DPPA4: variants seen among roughly 807,000 people sequenced by gnomAD.
DPPA4 encodes the protein developmental pluripotency-associated protein 4.
In DPPA4, 22 loss-of-function variants were observed where a neutral mutation model predicts 33.7. That is an observed-to-expected ratio of 0.65 (90% confidence interval 0.47 to 0.93). The LOEUF (loss-of-function observed/expected upper bound fraction) is 0.93, where lower values mean the gene tolerates loss of function less well. DPPA4 is among the 40% of genes least tolerant of loss of function. The probability of loss-of-function intolerance (pLI) is 0.00; values close to 1 mark genes in which losing one functional copy is unlikely to be tolerated. For synonymous variants in DPPA4, 156 were observed against 132.3 expected, an observed-to-expected ratio of 1.18 and a Z score of -1.23; for missense variants, 340 against 358.6, an observed-to-expected ratio of 0.95 and a Z score of 0.42.
chr3:109,329,083 T>G lies in DPPA4; in HGVS notation c.685A>C (p.Arg229=). 1.2e-6 allele frequency: 2 copies of G among 1,613,994 alleles called. No individual in the cohort carries two copies. The highest frequency in any genetic ancestry group is 1.7e-6 in the Non-Finnish European group (2 of 1,179,992). The change falls in exon 6 of 7, where the codon AGG becomes CGG. Residue 229 remains arginine (R), a synonymous_variant. Coordinates refer to ENST00000335658, the MANE Select transcript of DPPA4 (RefSeq NM_018189.4). ...VESPQEASGV[R]WCVVHGKSLP... ...CTTTTCCCATGGACCACACACCACC[T>G]GACACCTGGCAATGGCAAAGGAAAG...
At chr3:109,337,837 A>C (rs1360256186), upstream of DPPA4, among the ~76,000 whole-genome samples, 3 of 152,176 alleles carry the variant, frequency 2.0e-5, no homozygotes, top group Non-Finnish European at 2.9e-5. Flanking sequence ...AAAAAACAAA[A>C]AACAAAAAAA....
chr3:109,338,540 T>C (rs868665942), upstream of DPPA4, among the ~76,000 whole-genome samples: 33 of 152,172 alleles, frequency 2.2e-4, no homozygotes, highest in African/African-American at 7.5e-4. Flanking sequence ...TTTACTTTGT[T>C]GTTTTTTTTT....
At chr3:109,335,288 A>G (rs1352981034) in intron 1 of DPPA4, among the ~76,000 whole-genome samples, 1 of 152,106 alleles carries the variant, frequency 6.6e-6, no homozygotes, top group East Asian at 1.9e-4. Flanking sequence ...AGCAGGTGGG[A>G]CTACAGGATA....
At position 109,333,970 on chromosome 3, in the gene DPPA4, C is replaced by G. The variant is rs1392416862; in HGVS notation, c.78G>C (p.Arg26Ser). The change falls in exon 2 of 7, where the codon AGG becomes AGC. Residue 26 changes from arginine to serine, a missense_variant. By Grantham distance (110) the Arg-to-Ser change is moderately radical. Coordinates refer to ENST00000335658, the MANE Select transcript of DPPA4 (RefSeq NM_018189.4). ...GATTAGAAGCCTGCTGATCCTCTTC[C>G]CTCGACTTCTCTGTGGAGGTCCACT... ...GKEWTSTEKS[R>S]EEDQQASNQP... 1.2e-6 allele frequency: 2 copies of G among 1,614,010 alleles called. No individual in the cohort carries two copies. The highest frequency in any genetic ancestry group is 2.7e-5 in the African/African-American group (2 of 74,922).
Position 109,328,876 on chromosome 3 carries a change from CATCAGGTAATT to C in DPPA4, c.878+3_878+13del. ...CACCCACTTTTAGTTTGTAGAAAAG[CATCAGGTAATT>C]ACCTGTGAACACATTTGGGGCACAA... On this transcript the variant is annotated splice_donor_5th_base_variant and intron_variant, in intron 6 of 6. Transcript: ENST00000335658. 1.4e-5 allele frequency: 22 copies of C among 1,603,342 alleles called. No homozygotes were observed. Among genetic ancestry groups the C allele is most frequent in the Non-Finnish European group, 1.6e-5 (19 of 1,172,870 alleles).
rs1330910582 is a variant in DPPA4, at chr3:109,327,677, C to CA, written c.*310dup. The CA allele has an allele frequency of 2.8e-4, 70 of 248,532 alleles. No individual in the cohort carries two copies. Among genetic ancestry groups the CA allele is most frequent in the East Asian group, 3.8e-4 (4 of 10,408 alleles). The allele number at this position is 248,532 out of a possible 1,614,324, so 15.4% of individuals were successfully genotyped here. On this transcript the variant is annotated 3_prime_UTR_variant, in exon 7 of 7. Transcript: ENST00000335658. ...AGTGAGACACTGTCTCAAAATACAA[C>CA]AAAAAAAAGCTGCTGCTGAAGTCAT...
upstream of DPPA4, chr3:109,337,643 C>T (rs555381757): frequency 2.5e-6 from 2 of 800,822 alleles, no homozygotes; most frequent in Admixed American, 2.2e-5. Flanking sequence ...TTCCCTCCCC[C>T]ACAATTTGTA....
chr3:109,330,511 A>G lies in DPPA4; in HGVS notation c.679+13T>C, dbSNP rs370176490. 2.8e-5 allele frequency: 45 copies of G among 1,613,028 alleles called. No individual in the cohort carries two copies. Among genetic ancestry groups the G allele is most frequent in the Non-Finnish European group, 3.4e-5 (40 of 1,179,500 alleles). On this transcript the variant is annotated intron_variant, in intron 5 of 6. Coordinates refer to ENST00000335658, the MANE Select transcript of DPPA4 (RefSeq NM_018189.4). ...CCCATTGGACCAGAATAAGCTCTTC[A>G]TGTTGCGCTTACCAGAGGCCTCTTG... is the stretch of plus-strand genomic sequence containing the variant.
chr3:109,337,455 T>G lies in DPPA4; in HGVS notation c.54+9A>C. Reference sequence around the variant, plus strand: ...AGACAGAAAACAAATCCACTAAAACTGTACTGACCTCCTTGCCTTTTGCCT... The same window carrying G: ...AGACAGAAAACAAATCCACTAAAACGGTACTGACCTCCTTGCCTTTTGCCT... On this transcript the variant is annotated intron_variant, in intron 1 of 6. Transcript: ENST00000335658. 6.2e-7 allele frequency: 1 copy of G among 1,613,322 alleles called. No individual in the cohort carries two copies. Among genetic ancestry groups the G allele is most frequent in the Non-Finnish European group, 8.5e-7 (1 of 1,179,392 alleles).
At chr3:109,336,478 G>A (rs1358714480) in intron 1 of DPPA4, 2 of 152,086 alleles carry the variant, frequency 1.3e-5, no homozygotes, top group South Asian at 2.1e-4. Context: ...CCAATGTCTG[G>A]CTTCTGATTA....
In DPPA4 at chr3:109,329,215, A is replaced by G; in HGVS notation, c.680-127T>C. On this transcript the variant is annotated intron_variant, in intron 5 of 6. Coordinates refer to ENST00000335658, the MANE Select transcript of DPPA4 (RefSeq NM_018189.4). ...ATGTGAACCCTGAAATCCTAACTTA[A>G]CCTCTTCTCTATTCTGTTCTCCTTT... The G allele has an allele frequency of 5.1e-6, 4 of 791,298 alleles. No homozygotes were observed. The South Asian group carries it at 7.0e-5, about 14-fold the overall frequency. 49.0% of individuals were successfully genotyped at this position (791,298 alleles called of 1,614,324 possible).
chr3:109,335,631 TG>T (rs1368274762), intron 1 of DPPA4, among the ~76,000 whole-genome samples: 1 of 151,856 alleles, frequency 6.6e-6, no homozygotes, highest in East Asian at 2.0e-4. Context: ...GGTTTCACCA[TG>T]TTGGCCAGGC....
intron 4 of DPPA4, among the ~76,000 whole-genome samples, 170 bp downstream of exon 4, chr3:109,331,564 A>AAAAAAG (rs1559708949): frequency 1.4e-4 from 15 of 106,190 alleles, no homozygotes; most frequent in Admixed American, 3.5e-4. Context: ...AAAAAAAAAA[A>AAAAAAG]AAAGAAAGAA....
At chr3:109,330,016 C>T (rs1708024248) in intron 5 of DPPA4, 1 of 173,528 alleles carries the variant, frequency 5.8e-6, no homozygotes, top group Admixed American at 5.6e-5. Flanking sequence ...GAGATGCAAA[C>T]TCTTGCCAGG....
upstream of DPPA4, chr3:109,337,687 G>A: frequency 3.1e-6 from 2 of 635,534 alleles, no homozygotes; most frequent in Admixed American, 2.6e-5. Context: ...TATTCATGGG[G>A]TGACTTTTGT....
chr3:109,338,158 C>A (rs946658561), upstream of DPPA4, among the ~76,000 whole-genome samples: 1 of 152,098 alleles, frequency 6.6e-6, no homozygotes, highest in Non-Finnish European at 1.5e-5. Flanking sequence ...CGAACTCCTG[C>A]CCTCAAGTAA....
At chr3:109,334,376 CT>C (rs1708148774) in intron 1 of DPPA4, among the ~76,000 whole-genome samples, 2 of 152,084 alleles carry the variant, frequency 1.3e-5, no homozygotes, top group Non-Finnish European at 2.9e-5. Flanking sequence ...ATAGTGAAAC[CT>C]TGCCTCTACA....
intron 5 of DPPA4, chr3:109,330,143 AAG>A: frequency 7.6e-6 from 2 of 261,872 alleles, no homozygotes; most frequent in Non-Finnish European, 1.5e-5. Context: ...CTCTACTAAA[AAG>A]ACAACATTAG....
At chr3:109,332,791 T>TTC (rs1708110181) in intron 2 of DPPA4, among the ~76,000 whole-genome samples, 2 of 152,284 alleles carry the variant, frequency 1.3e-5, no homozygotes, top group East Asian at 3.9e-4. Context: ...ATACCTTGTC[T>TTC]TCATTCAGTA....
Sources: gnomAD v4.1 joint callset for allele counts (sites outside exome capture counted in the v4.1 genomes callset) on GRCh38, gnomAD v4.1.1 for gene constraint, MANE v1.5 for transcripts, NCBI Gene and HGNC (gene_info 2026-07-23, HGNC 2026-07-21) for gene names.